The following LINGO2 variants were observed in gnomAD, a reference collection of about 807,000 sequenced individuals.
The protein encoded by LINGO2 is leucine rich repeat and Ig domain containing 2, also known as leucine-rich repeat and immunoglobulin-like domain-containing nogo receptor-interacting protein 2.
In LINGO2, 14 loss-of-function variants were observed where a neutral mutation model predicts 30.6. The ratio of observed to expected loss-of-function variants is 0.46; its 90% CI spans 0.30 to 0.72. The LOEUF (loss-of-function observed/expected upper bound fraction) is 0.72. Among genes scored for constraint, LINGO2 ranks in the 30% least tolerant of loss-of-function variants. LINGO2 has a pLI of 0.07. For missense variants in LINGO2, 729 were observed against 751.7 expected (o/e 0.97, Z 0.35); for synonymous variants, 317 against 288.5 (o/e 1.10, Z -1.00).
chr9:28,712,714 C>T, the LINGO2 span, among the ~76,000 whole-genome samples: 1 of 151,148 alleles, frequency 6.6e-6, no homozygotes, highest in Non-Finnish European at 1.5e-5. Context: ...TGATTAACTA[C>T]AATAAAAGAT....
chr9:28,189,321 A>G (rs866997409), intron 4 of LINGO2, among the ~76,000 whole-genome samples: 1,625 of 15,350 alleles, frequency 0.11, 268 homozygotes, highest in East Asian at 0.18. Flanking sequence ...GGAAGGAAGG[A>G]AGGGAGGGAG....
chr9:28,643,909 T>C (rs773063183), intron 1 of LINGO2, among the ~76,000 whole-genome samples: 40 of 151,958 alleles, frequency 2.6e-4, no homozygotes, highest in Admixed American at 5.9e-4. Flanking sequence ...AGAAGACATA[T>C]AAATGGCAAA....
the LINGO2 span, among the ~76,000 whole-genome samples, chr9:28,802,449 T>C: frequency 2.6e-5 from 4 of 152,068 alleles, no homozygotes; most frequent in Admixed American, 2.6e-4. Flanking sequence ...CTTTATTTTA[T>C]TGCCAATAAA....
chr9:28,430,725 A>G (rs1047768935), intron 2 of LINGO2, among the ~76,000 whole-genome samples: 1 of 152,136 alleles, frequency 6.6e-6, no homozygotes, highest in African/African-American at 2.4e-5. Flanking sequence ...AAAACTGGGT[A>G]GCTTAAAACA....
chr9:28,813,006 G>C, the LINGO2 span, among the ~76,000 whole-genome samples: 1 of 150,308 alleles, frequency 6.7e-6, no homozygotes, highest in Non-Finnish European at 1.5e-5. Flanking sequence ...ATATAAAGTA[G>C]TATAAACAGA....
At chr9:28,688,196 T>C in the LINGO2 span, among the ~76,000 whole-genome samples, 1 of 152,124 alleles carries the variant, frequency 6.6e-6, no homozygotes, top group Admixed American at 6.6e-5. Flanking sequence ...GCAGGGTATA[T>C]CACAATGACC....
the LINGO2 span, among the ~76,000 whole-genome samples, chr9:28,761,644 A>G: frequency 1.3e-5 from 2 of 152,120 alleles, no homozygotes; most frequent in East Asian, 1.9e-4. Context: ...AGTGACATCT[A>G]TTAGTGATAC....
chr9:28,697,800 C>T, the LINGO2 span, among the ~76,000 whole-genome samples: 33 of 152,090 alleles, frequency 2.2e-4, no homozygotes, highest in South Asian at 8.3e-4. Context: ...AACCCCAGGG[C>T]GCTTCTTATT....
At chr9:28,767,785 C>CAAAA in the LINGO2 span, among the ~76,000 whole-genome samples, 6 of 97,070 alleles carry the variant, frequency 6.2e-5, no homozygotes, top group South Asian at 4.2e-4. Context: ...GACTCCATTT[C>CAAAA]AAAAAAAAAA....
intron 5 of LINGO2, chr9:28,012,240 T>A (rs1337822509): frequency 2.0e-5 from 3 of 152,044 alleles, no homozygotes; most frequent in Non-Finnish European, 2.9e-5. Context: ...TAAGGTCACA[T>A]ACATATGAGC....
chr9:28,258,461 C>G (rs1444431679), intron 4 of LINGO2, among the ~76,000 whole-genome samples: 2 of 151,814 alleles, frequency 1.3e-5, no homozygotes, highest in Admixed American at 6.6e-5. Flanking sequence ...ATAAAAAGAT[C>G]ACTGCAAAAA....
intron 4 of LINGO2, among the ~76,000 whole-genome samples, chr9:28,286,695 A>T (rs955066504): frequency 1.3e-5 from 2 of 152,210 alleles, no homozygotes; most frequent in African/African-American, 4.8e-5. Flanking sequence ...TATCCTTAGC[A>T]AACTAACACA....
chr9:28,119,889 T>C (rs1418357850), intron 4 of LINGO2, among the ~76,000 whole-genome samples: 1 of 152,166 alleles, frequency 6.6e-6, no homozygotes, highest in East Asian at 1.9e-4. Context: ...CAAGTCAAAT[T>C]TGAAATAATC....
At chr9:28,426,265 G>A (rs1275754126) in intron 2 of LINGO2, among the ~76,000 whole-genome samples, 2 of 151,798 alleles carry the variant, frequency 1.3e-5, no homozygotes, top group African/African-American at 2.4e-5. Context: ...CCTCCCTATA[G>A]GTTTGCCTAT....
At chr9:28,823,607 C>T in the LINGO2 span, among the ~76,000 whole-genome samples, 1 of 152,148 alleles carries the variant, frequency 6.6e-6, no homozygotes, top group East Asian at 1.9e-4. Context: ...ATCCATCATG[C>T]TGTGAGAAAG....
Position 28,526,446 on chromosome 9 carries a change from A to G in LINGO2, c.-364-50421T>C, listed in dbSNP as rs185896768. Among the ~76,000 whole-genome samples the G allele has an allele frequency of 3.1e-3, 470 of 152,326 alleles. 3 individuals carry two copies. Among genetic ancestry groups the G allele is most frequent in the Admixed American group, 0.011 (168 of 15,296 alleles). Reference sequence around the variant, plus strand: ...TGTTGTAGAATCTTAGAAATGTATTAGCCTTTCTGGCACTTCTGAAACTAG... The same window carrying G: ...TGTTGTAGAATCTTAGAAATGTATTGGCCTTTCTGGCACTTCTGAAACTAG... On this transcript the variant is annotated intron_variant, in intron 1 of 5. Coordinates refer to ENST00000379992, the Ensembl canonical transcript of LINGO2.
chr9:29,071,038 A>C, the LINGO2 span, among the ~76,000 whole-genome samples: 8 of 150,886 alleles, frequency 5.3e-5, no homozygotes, highest in Admixed American at 1.3e-4. Context: ...AAAAAAACAT[A>C]TGTATATATA....
At chr9:28,612,582 T>C (rs765236867) in intron 1 of LINGO2, among the ~76,000 whole-genome samples, 29 of 152,190 alleles carry the variant, frequency 1.9e-4, no homozygotes, top group Non-Finnish European at 2.6e-4. Context: ...ATGGGGCTTG[T>C]AGACCCTTTG....
chr9:28,883,976 C>G, the LINGO2 span, among the ~76,000 whole-genome samples: 1 of 151,568 alleles, frequency 6.6e-6, no homozygotes, highest in Admixed American at 6.6e-5. Context: ...CCGCGCCCGG[C>G]TAGAATATGT....
Sources: allele counts gnomAD v4.1 joint callset (sites outside exome capture counted in the v4.1 genomes callset), GRCh38; gene constraint gnomAD v4.1.1; transcripts MANE v1.5; gene names NCBI Gene and HGNC (gene_info 2026-07-23, HGNC 2026-07-21).